SCN7A: variants seen among roughly 807,000 people sequenced by gnomAD.
SCN7A encodes sodium channel protein type 7 subunit alpha.
A neutral mutation model predicts 155.2 loss-of-function variants in SCN7A; 138 were observed. The observed-to-expected ratio is 0.89, with a 90% CI of 0.77 to 1.02. SCN7A has a LOEUF of 1.02. Ranked by LOEUF, SCN7A falls within the 50% of genes least tolerant of loss-of-function variation. The pLI is 0.00. For missense variants in SCN7A, 2,058 were observed against 1,986.6 expected (o/e 1.04, Z -0.68); for synonymous variants, 693 against 649.0 (o/e 1.07, Z -1.03).
At chr2:166,419,661 C>G (rs745904799) in intron 20 of SCN7A, among the ~76,000 whole-genome samples, 5 of 152,088 alleles carry the variant, frequency 3.3e-5, no homozygotes, top group Admixed American at 6.6e-5. Context: ...GCCACCGTGC[C>G]TAGGCTGTTT....
At chr2:166,481,860 T>C (rs1702934875) in intron 2 of SCN7A, among the ~76,000 whole-genome samples, 1 of 152,184 alleles carries the variant, frequency 6.6e-6, no homozygotes, top group African/African-American at 2.4e-5. Flanking sequence ...TAGACTTCCA[T>C]GTTGTTCAAA....
chr2:166,456,811 T>TAG (rs1702286937), intron 11 of SCN7A, 59 bp downstream of exon 11: 4 of 259,208 alleles, frequency 1.5e-5, no homozygotes, highest in African/African-American at 1.4e-4. Context: ...AAAATATATA[T>TAG]ATATATATAT....
At chr2:166,409,030 C>A (rs1452986304) in intron 25 of SCN7A, among the ~76,000 whole-genome samples, 1 of 151,974 alleles carries the variant, frequency 6.6e-6, no homozygotes, top group Non-Finnish European at 1.5e-5. Context: ...CCTACCATAA[C>A]CTTAATAGCA....
In SCN7A at chr2:166,441,422, T is replaced by C. The variant is rs770263845; in HGVS notation, c.2131A>G (p.Met711Val). The part of the protein sequence containing the change: ...GQSWCIPFYL[M>V]VILIGNLLVL... ...AGTAAATTTCCAATTAAAATGACCATCAGGTAAAAAGGAATACACCAGGAT... is the reference window on the plus strand; with the variant it reads ...AGTAAATTTCCAATTAAAATGACCACCAGGTAAAAAGGAATACACCAGGAT... Residue 711 changes from methionine to valine, a missense_variant, in exon 15 of 26, where the codon ATG (methionine) becomes GTG (valine). Coordinates refer to ENST00000643258, the MANE Select transcript of SCN7A (RefSeq NM_002976.4). 1.4e-5 allele frequency: 22 copies of C among 1,592,520 alleles called. No individual in the cohort carries two copies. The East Asian group carries it at 3.4e-4, about 24-fold the overall frequency.
intron 20 of SCN7A, among the ~76,000 whole-genome samples, chr2:166,418,411 C>G (rs911859523): frequency 6.7e-6 from 1 of 148,236 alleles, no homozygotes; most frequent in Non-Finnish European, 1.5e-5. Flanking sequence ...GGATTATAGG[C>G]GTGAATCACT....
In SCN7A at chr2:166,465,404, C is replaced by T. The variant is rs562627072; in HGVS notation, c.941+58G>A. 383 of 1,147,722 alleles carry T rather than the reference C, an allele frequency of 3.3e-4. 4 individuals carry two copies. The South Asian group carries it at 4.9e-3, about 15-fold the overall frequency. 71.1% of individuals were successfully genotyped at this position (1,147,722 alleles called of 1,614,324 possible). On this transcript the variant is annotated intron_variant, in intron 9 of 25. Transcript: ENST00000643258. Reference sequence around the variant, plus strand: ...AGCAACAGTAAAAGCAATAGTCCTTCATTAAATACTATTGACAGGTGATAA... The same window carrying T: ...AGCAACAGTAAAAGCAATAGTCCTTTATTAAATACTATTGACAGGTGATAA...
At chr2:166,417,074 T>C in intron 20 of SCN7A, 89 bp from the exon 21 acceptor site, 1 of 1,005,406 alleles carries the variant, frequency 9.9e-7, no homozygotes. Flanking sequence ...ATTGATAGAA[T>C]AACATATTTA....
At chr2:166,458,040 CA>C (rs1343848508) in intron 10 of SCN7A, among the ~76,000 whole-genome samples, 1 of 152,142 alleles carries the variant, frequency 6.6e-6, no homozygotes, top group Non-Finnish European at 1.5e-5. Flanking sequence ...GCCCTGTTAT[CA>C]CAGTGAGCAA....
intron 23 of SCN7A, among the ~76,000 whole-genome samples, chr2:166,411,450 G>A (rs537731352): frequency 6.2e-4 from 93 of 150,952 alleles, no homozygotes; most frequent in Non-Finnish European, 1.2e-3. Flanking sequence ...CAAGAGAAGT[G>A]ATGCTGGCCT....
intron 15 of SCN7A, among the ~76,000 whole-genome samples, chr2:166,438,547 A>G (rs144848538): frequency 4.5e-4 from 68 of 152,298 alleles, no homozygotes; most frequent in Non-Finnish European, 7.9e-4. Flanking sequence ...CCTTTGACAT[A>G]TAATAATTTT....
chr2:166,447,743 C>T (rs1702095477), intron 11 of SCN7A, 35 bp from the exon 12 acceptor site: 2 of 1,485,684 alleles, frequency 1.3e-6, no homozygotes, highest in East Asian at 4.5e-5. Flanking sequence ...TACTGGCTTC[C>T]TGTCTTTGCA....
intron 11 of SCN7A, among the ~76,000 whole-genome samples, chr2:166,450,751 G>A (rs959438223): frequency 1.3e-5 from 2 of 151,982 alleles, no homozygotes; most frequent in East Asian, 1.9e-4. Flanking sequence ...ACCAGATTGC[G>A]CCACTGCACT....
At chr2:166,478,567 G>A (rs771802114) in intron 2 of SCN7A, among the ~76,000 whole-genome samples, 1 of 151,798 alleles carries the variant, frequency 6.6e-6, no homozygotes, top group Non-Finnish European at 1.5e-5. Context: ...CTTTCTGCAT[G>A]ACTAGAATTA....
At position 166,405,430 on chromosome 2, in the gene SCN7A, T is replaced by G; in HGVS notation, c.*150A>C. ...ATTTGTTAGATATAATGCTAAAAAG[T>G]GAATTTGGCATGAAGTCTTGTGAAT... is the stretch of plus-strand genomic sequence containing the variant. On this transcript the variant is annotated 3_prime_UTR_variant, in exon 26 of 26. Transcript: ENST00000643258. 1 of 610,240 alleles carries G rather than the reference T, an allele frequency of 1.6e-6. No homozygotes were observed. Among genetic ancestry groups the G allele is most frequent in the Non-Finnish European group, 2.8e-6 (1 of 358,858 alleles). The allele number at this position is 610,240 out of a possible 1,614,324, so 37.8% of individuals were successfully genotyped here.
chr2:166,477,755 A>T (rs953802804), intron 2 of SCN7A, 45 bp from the exon 3 acceptor site: 2 of 1,199,082 alleles, frequency 1.7e-6, no homozygotes, highest in Middle Eastern at 2.0e-4. Flanking sequence ...AATAAAACAT[A>T]AAAGTACAAA....
intron 12 of SCN7A, among the ~76,000 whole-genome samples, chr2:166,446,380 G>A (rs1326404599): frequency 6.6e-6 from 1 of 152,128 alleles, no homozygotes; most frequent in African/African-American, 2.4e-5. Flanking sequence ...ACAGATGCAG[G>A]CAGGGATGTG....
intron 20 of SCN7A, among the ~76,000 whole-genome samples, chr2:166,418,284 C>CTTTTTTTTTTTCTTTTTTTTTTTT (rs1701433476): frequency 1.6e-5 from 1 of 60,664 alleles, no homozygotes; most frequent in African/African-American, 7.2e-5. Context: ...CCCCGCCAGG[C>CTTTTTTTTTTTCTTTTTTTTTTTT]TTTTTTTTTT....
chr2:166,484,541 G>C (rs2105530751), intron 2 of SCN7A, among the ~76,000 whole-genome samples: 1 of 151,622 alleles, frequency 6.6e-6, no homozygotes, highest in East Asian at 1.9e-4. Flanking sequence ...ATATTGAAAA[G>C]CACCTACCTA....
chr2:166,487,602 T>C (rs181004422), intron 1 of SCN7A, among the ~76,000 whole-genome samples: 98 of 152,294 alleles, frequency 6.4e-4, no homozygotes, highest in Non-Finnish European at 1.2e-3. Context: ...AATCAATCTC[T>C]GTGCTTTCTG....
Sources: gnomAD v4.1 joint callset for allele counts (sites outside exome capture counted in the v4.1 genomes callset) on GRCh38, gnomAD v4.1.1 for gene constraint, MANE v1.5 for transcripts, NCBI Gene and HGNC (gene_info 2026-07-23, HGNC 2026-07-21) for gene names.